The following CNOT1 variants were observed in gnomAD, a reference collection of about 807,000 sequenced individuals.
CNOT1 encodes the protein CCR4-associated factor 1.
Under a neutral mutation model 273.8 loss-of-function variants are expected in CNOT1, and 15 were observed. The ratio of observed to expected loss-of-function variants is 0.05; its 90% CI spans 0.04 to 0.08. The LOEUF (loss-of-function observed/expected upper bound fraction) is 0.08, where lower values mean the gene tolerates loss of function less well. CNOT1 is among the 10% of genes least tolerant of loss of function. The pLI is 1.00. For synonymous variants in CNOT1, 1,022 were observed against 1,005.5 expected, an observed-to-expected ratio of 1.02 and a Z score of -0.31; for missense variants, 1,644 against 2,912.2, an observed-to-expected ratio of 0.56 and a Z score of 10.02.
intron 42 of CNOT1, 106 bp downstream of exon 42, chr16:58,531,852 G>A: frequency 7.5e-7 from 1 of 1,334,228 alleles, no homozygotes; most frequent in East Asian, 2.3e-5. Context: ...AAGTTTGGAA[G>A]AAGTACAATT....
chr16:58,601,356 CA>C (rs1204373650), intron 1 of CNOT1, among the ~76,000 whole-genome samples: 1 of 152,180 alleles, frequency 6.6e-6, no homozygotes, highest in Non-Finnish European at 1.5e-5. Flanking sequence ...CTCGGCCTCC[CA>C]AAGTGCTGGG....
At chr16:58,555,561 C>T (rs574496667) in intron 20 of CNOT1, 24 bp from the exon 21 acceptor site, 34 of 1,604,542 alleles carry the variant, frequency 2.1e-5, no homozygotes, top group Admixed American at 6.8e-5. Flanking sequence ...ACAAAAACAA[C>T]GCACACATAA....
intron 13 of CNOT1, among the ~76,000 whole-genome samples, 192 bp from the exon 14 acceptor site, chr16:58,576,774 C>A (rs1257647585): frequency 6.6e-6 from 1 of 152,170 alleles, no homozygotes; most frequent in Non-Finnish European, 1.5e-5. Flanking sequence ...TCCACATATT[C>A]CAAATAAAGC....
At chr16:58,559,941 G>T (rs552599152) in intron 17 of CNOT1, 79 of 891,440 alleles carry the variant, frequency 8.9e-5, no homozygotes, top group Non-Finnish European at 1.1e-4. Context: ...TATGTCTCAA[G>T]AGTCTACGTA....
chr16:58,596,914 A>C (rs1345694619), intron 2 of CNOT1, among the ~76,000 whole-genome samples: 2 of 146,478 alleles, frequency 1.4e-5, no homozygotes, highest in Non-Finnish European at 3.0e-5. Flanking sequence ...AAAAAAAAAA[A>C]AAACAAAAGT....
Sources: allele counts gnomAD v4.1 joint callset (sites outside exome capture counted in the v4.1 genomes callset), GRCh38; gene constraint gnomAD v4.1.1; transcripts MANE v1.5; gene names NCBI Gene and HGNC (gene_info 2026-07-23, HGNC 2026-07-21).